Variants in HLA-DQA1 observed in about 807,000 individuals in gnomAD.
The protein encoded by HLA-DQA1 is major histocompatibility complex, class II, DQ alpha 1, also known as HLA class II histocompatibility antigen, DQ alpha 1 chain.
HLA-DQA1 carries 10 observed loss-of-function variants against 20.7 expected under a neutral mutation model. The ratio of observed to expected loss-of-function variants is 0.48; its 90% CI spans 0.30 to 0.82. HLA-DQA1 has a LOEUF of 0.82. Among genes scored for constraint, HLA-DQA1 ranks in the 40% least tolerant of loss-of-function variants. The probability of loss-of-function intolerance (pLI) is 0.07; values close to 1 mark genes in which losing one functional copy is unlikely to be tolerated. For synonymous variants in HLA-DQA1, 39 were observed against 109.2 expected (o/e 0.36, Z 4.01); for missense variants, 127 against 293.0 (o/e 0.43, Z 4.14).
chr6:32,641,204 A>C (rs115508098), intron 1 of HLA-DQA1, 106 bp from the exon 2 acceptor site: 109,476 of 637,270 alleles, frequency 0.17, 27,594 homozygotes, highest in Admixed American at 0.33. Flanking sequence ...TGTGCCAAAA[A>C]ATGAAGCCCA....
At chr6:32,647,185 C>CTTCTCTCTAACACTGTTG (rs1582016752), downstream of HLA-DQA1, 11 of 112,094 alleles carry the variant, frequency 9.8e-5, no homozygotes, top group East Asian at 2.7e-4. Context: ...ACATGGTACT[C>CTTCTCTCTAACACTGTTG]AGCCAGGCGC....
chr6:32,648,016 G>GA (rs879568951), downstream of HLA-DQA1, among the ~76,000 whole-genome samples: 1 of 150,688 alleles, frequency 6.6e-6, no homozygotes, highest in Non-Finnish European at 1.5e-5. Flanking sequence ...GGAAAAGAAT[G>GA]AGGTAAAACG....
intron 1 of HLA-DQA1, among the ~76,000 whole-genome samples, chr6:32,638,275 T>G (rs9272492): frequency 0.25 from 26,924 of 107,376 alleles, 5,920 homozygotes; most frequent in East Asian, 0.31. Flanking sequence ...GATCATTTTA[T>G]TTTAAAATTG....
chr6:32,641,502 C>G lies in HLA-DQA1; in HGVS notation c.275C>G (p.Ala92Gly). The change falls in exon 2 of 5, where the codon GCA becomes GGA. Residue 92 changes from alanine to glycine, a missense_variant. By Grantham distance (60) the Ala-to-Gly change is moderately conservative. This residue lies in a region of HLA-DQA1 where 15 missense variants were observed against 56.2 expected (regional missense o/e 0.27). Transcript: ENST00000343139. ...GGTGCACTGAGAAACATGGCTGTGG[C>G]AAAACACAACTTGAACATCATGATT... The part of the protein sequence containing the change: ...PQGALRNMAV[A>G]KHNLNIMIKR... 3 of 997,992 alleles carry G rather than the reference C, an allele frequency of 3.0e-6. 1 individual carries two copies. Among genetic ancestry groups the G allele is most frequent in the South Asian group, 3.1e-5 (2 of 64,628 alleles). The allele number at this position is 997,992 out of a possible 1,614,324, so 61.8% of individuals were successfully genotyped here.
At chr6:32,645,934 T>C (rs933241998), downstream of HLA-DQA1, 13 of 133,450 alleles carry the variant, frequency 9.7e-5, 5 homozygotes, top group East Asian at 2.5e-3. Flanking sequence ...ACCAGAGTCA[T>C]GCAGAAATCT....
At chr6:32,651,322 A>T (rs574576046), downstream of HLA-DQA1, among the ~76,000 whole-genome samples, 183 of 89,076 alleles carry the variant, frequency 2.1e-3, 69 homozygotes, top group East Asian at 0.069. Context: ...TGGTGGCCCA[A>T]GCCTGTAATC....
chr6:32,643,673 GTA>G lies in HLA-DQA1; in HGVS notation c.*744_*745del. 2 of 138,242 alleles carry G rather than the reference GTA, an allele frequency of 1.4e-5. No homozygotes were observed. Among genetic ancestry groups the G allele is most frequent in the South Asian group, 4.6e-4 (2 of 4,316 alleles). 8.6% of individuals were successfully genotyped at this position (138,242 alleles called of 1,614,324 possible). ...TCTCAAAAATATCAAAAGTAAAAAT[GTA>G]TTCTCAAAACTTTAAATTTATGAAG... On this transcript the variant is annotated 3_prime_UTR_variant, in exon 5 of 5. Coordinates refer to ENST00000343139, the MANE Select transcript of HLA-DQA1 (RefSeq NM_002122.5).
At chr6:32,648,399 C>A (rs1328894227), downstream of HLA-DQA1, among the ~76,000 whole-genome samples, 4 of 96,042 alleles carry the variant, frequency 4.2e-5, 1 homozygote, top group African/African-American at 7.2e-5. Flanking sequence ...ACTGGCAAAC[C>A]AAATCCAGCA....
At chr6:32,639,231 G>T (rs9272553) in intron 1 of HLA-DQA1, 41,105 of 128,180 alleles carry the variant, frequency 0.32, 12,084 homozygotes, top group Admixed American at 0.43. Context: ...CACATGAGAA[G>T]GTTTTAACTC....
At chr6:32,638,609 G>A (rs1781077989) in intron 1 of HLA-DQA1, among the ~76,000 whole-genome samples, 2 of 100,774 alleles carry the variant, frequency 2.0e-5, no homozygotes, top group African/African-American at 3.5e-5. Context: ...TCCATGAGGC[G>A]GAAGCTGCAG....
intron 1 of HLA-DQA1, among the ~76,000 whole-genome samples, chr6:32,640,993 C>T (rs4452681): frequency 0.24 from 25,368 of 106,534 alleles, 6,754 homozygotes; most frequent in South Asian, 0.28. Context: ...TATGATAACT[C>T]ATTCATTCCT....
chr6:32,654,534 T>C, the HLA-DQA1 span, among the ~76,000 whole-genome samples: 4,908 of 70,420 alleles, frequency 0.07, 479 homozygotes, highest in Middle Eastern at 0.1. Flanking sequence ...AAGCCATCTC[T>C]AGATTACTTA....
downstream of HLA-DQA1, chr6:32,644,386 G>T (rs1370610789): frequency 2.6e-5 from 4 of 152,116 alleles, no homozygotes; most frequent in Non-Finnish European, 5.9e-5. Flanking sequence ...TCCAAATCCA[G>T]GACTCAGTAC....
At chr6:32,645,198 A>G (rs1229622243), downstream of HLA-DQA1, 2 of 151,480 alleles carry the variant, frequency 1.3e-5, no homozygotes, top group African/African-American at 2.4e-5. Flanking sequence ...CAAATGTACC[A>G]CTCAGATGGG....
chr6:32,652,455 A>G, the HLA-DQA1 span, among the ~76,000 whole-genome samples: 43,153 of 120,942 alleles, frequency 0.36, 10,339 homozygotes, highest in Middle Eastern at 0.56. Context: ...GGGAAGGTAA[A>G]GAATCCAGGA....
the HLA-DQA1 span, among the ~76,000 whole-genome samples, chr6:32,652,494 A>G: frequency 6.6e-6 from 1 of 151,796 alleles, no homozygotes; most frequent in Non-Finnish European, 1.5e-5. Context: ...ACCTCACTGA[A>G]AAGGGATCCT....
At chr6:32,649,234 TC>T (rs1782091092), downstream of HLA-DQA1, among the ~76,000 whole-genome samples, 1 of 96,728 alleles carries the variant, frequency 1.0e-5, no homozygotes, top group Non-Finnish European at 2.3e-5. Context: ...TTCAATGCTA[TC>T]CCCATCAAGC....
At chr6:32,651,704 T>C (rs1384117970), downstream of HLA-DQA1, among the ~76,000 whole-genome samples, 2 of 88,522 alleles carry the variant, frequency 2.3e-5, 1 homozygote, top group African/African-American at 7.8e-5. Flanking sequence ...ACAGAGAAGA[T>C]GAAGGGAGAA....
the HLA-DQA1 span, among the ~76,000 whole-genome samples, chr6:32,653,672 A>G: frequency 0.093 from 6,290 of 67,440 alleles, 1,759 homozygotes; most frequent in Middle Eastern, 0.18. Flanking sequence ...TGCAATCAGT[A>G]TATCAAAGAG....
Sources: gnomAD v4.1 joint callset for allele counts (sites outside exome capture counted in the v4.1 genomes callset) on GRCh38, gnomAD v4.1.1 for gene constraint, gnomAD v4.1.1 regional missense constraint, MANE v1.5 for transcripts, NCBI Gene and HGNC (gene_info 2026-07-23, HGNC 2026-07-21) for gene names.